The following ABCC1 variants were observed in gnomAD, a reference collection of about 807,000 sequenced individuals.
ABCC1 encodes multidrug resistance-associated protein 1.
In ABCC1, 83 loss-of-function variants were observed where a neutral mutation model predicts 172.9. That is an observed-to-expected ratio of 0.48 (90% confidence interval 0.40 to 0.58). The LOEUF (loss-of-function observed/expected upper bound fraction) is 0.58. Ranked by LOEUF, ABCC1 falls within the 20% of genes least tolerant of loss-of-function variation. ABCC1 has a pLI of 0.00. For missense variants in ABCC1, 1,817 were observed against 2,002.7 expected (o/e 0.91, Z 1.77); for synonymous variants, 937 against 825.2 (o/e 1.14, Z -2.32).
Position 16,138,565 on chromosome 16 carries a change from C to G in ABCC1, c.4487+7C>G. 3.2e-6 allele frequency: 5 copies of G among 1,568,260 alleles called. No homozygotes were observed. Among genetic ancestry groups the G allele is most frequent in the Non-Finnish European group, 4.4e-6 (5 of 1,148,870 alleles). ...CCATCATGGACTACACAAGGTGATG[C>G]CACTGGCACAGTGGCCTCTAGGCTT... On this transcript the variant is annotated splice_region_variant and intron_variant, in intron 30 of 30. Transcript: ENST00000399410.
chr16:16,047,193 G>A (rs1378035743), intron 9 of ABCC1, among the ~76,000 whole-genome samples: 1 of 152,118 alleles, frequency 6.6e-6, no homozygotes, highest in Admixed American at 6.5e-5. Flanking sequence ...ATGAGACCCT[G>A]TCTGAAAAAA....
At chr16:15,987,644 A>T (rs2046771990) in intron 1 of ABCC1, among the ~76,000 whole-genome samples, 1 of 152,166 alleles carries the variant, frequency 6.6e-6, no homozygotes, top group Non-Finnish European at 1.5e-5. Context: ...ACTTGCCCCC[A>T]CTTGAGAACC....
chr16:16,136,360 T>C, intron 28 of ABCC1, 118 bp from the exon 29 acceptor site: 1 of 1,119,038 alleles, frequency 8.9e-7, no homozygotes. Context: ...AAATAGTGAT[T>C]CCAAGGAGCT....
chr16:16,083,566 C>T (rs2050889136), intron 17 of ABCC1, 24 bp downstream of exon 17: 1 of 1,592,422 alleles, frequency 6.3e-7, no homozygotes, highest in African/African-American at 1.3e-5. Context: ...GGATGTTGGC[C>T]CCTGAATCAG....
intron 1 of ABCC1, among the ~76,000 whole-genome samples, chr16:15,990,236 A>G (rs896533391): frequency 1.3e-5 from 2 of 152,008 alleles, no homozygotes; most frequent in African/African-American, 2.4e-5. Context: ...TAGTAGAGAC[A>G]GGGTTTCACC....
rs2045928769 is a variant in ABCC1, at chr16:16,136,640, C to T, written c.4288C>T (p.Leu1430Phe). Residue 1430 changes from leucine (L) to phenylalanine (F), a missense_variant, in exon 29 of 31, where the codon CTC (leucine) becomes TTC (phenylalanine). Coordinates refer to ENST00000399410, the MANE Select transcript of ABCC1 (RefSeq NM_004996.4). ...TGAATGTGCAGAAGGCGGGGAGAACCTCAGGTAGGCGGGGGTGAACAAGGA... is the reference window on the plus strand; with the variant it reads ...TGAATGTGCAGAAGGCGGGGAGAACTTCAGGTAGGCGGGGGTGAACAAGGA... ...DHECAEGGEN[L>F]SVGQRQLVCL... 1 of 1,613,920 alleles carries T rather than the reference C, an allele frequency of 6.2e-7. No homozygotes were observed. Among genetic ancestry groups the T allele is most frequent in the African/African-American group, 1.3e-5 (1 of 75,002 alleles).
chr16:16,100,926 C>T (rs116847838), intron 19 of ABCC1, among the ~76,000 whole-genome samples: 1,863 of 152,312 alleles, frequency 0.012, 14 homozygotes, highest in Non-Finnish European at 0.02. Context: ...AATCGAGACT[C>T]ATAGCAGGGA....
chr16:15,988,307 C>G (rs2046786469), intron 1 of ABCC1, among the ~76,000 whole-genome samples: 1 of 152,192 alleles, frequency 6.6e-6, no homozygotes, highest in Non-Finnish European at 1.5e-5. Flanking sequence ...CCTCTCCTTT[C>G]TAAACCATCT....
At chr16:15,991,430 C>T (rs139828487) in intron 1 of ABCC1, among the ~76,000 whole-genome samples, 40 of 152,252 alleles carry the variant, frequency 2.6e-4, no homozygotes, top group Non-Finnish European at 4.1e-4. Context: ...AGGGCTTGTT[C>T]TGCAAAAGAA....
chr16:15,986,990 C>T (rs2046759439), intron 1 of ABCC1, among the ~76,000 whole-genome samples: 1 of 152,094 alleles, frequency 6.6e-6, no homozygotes, highest in African/African-American at 2.4e-5. Flanking sequence ...TGTGGCGAAA[C>T]CCCATCTCTC....
intron 9 of ABCC1, among the ~76,000 whole-genome samples, chr16:16,047,828 C>T (rs1362843152): frequency 1.3e-5 from 2 of 150,512 alleles, no homozygotes; most frequent in South Asian, 2.1e-4. Context: ...TCCCCCCACC[C>T]CCCACCACTC....
chr16:16,027,741 A>T (rs1312543261), intron 5 of ABCC1, among the ~76,000 whole-genome samples: 1 of 152,126 alleles, frequency 6.6e-6, no homozygotes, highest in Non-Finnish European at 1.5e-5. Flanking sequence ...TGAACCTGGG[A>T]GGTCGAGGCT....
chr16:16,077,737 A>G (rs2050636314), intron 15 of ABCC1, among the ~76,000 whole-genome samples: 1 of 152,248 alleles, frequency 6.6e-6, no homozygotes, highest in Non-Finnish European at 1.5e-5. Context: ...AATACTCTGA[A>G]ATCAGAAAGG....
intron 19 of ABCC1, among the ~76,000 whole-genome samples, chr16:16,096,436 G>A (rs993213744): frequency 2.0e-5 from 3 of 152,052 alleles, no homozygotes; most frequent in Middle Eastern, 3.2e-3. Flanking sequence ...TGGGCCATAA[G>A]CACCTCCCCA....
intron 5 of ABCC1, among the ~76,000 whole-genome samples, chr16:16,021,796 G>A (rs770281276): frequency 3.3e-5 from 5 of 152,212 alleles, no homozygotes; most frequent in Non-Finnish European, 7.4e-5. Flanking sequence ...ATGGGGGCAA[G>A]GAAGGGTAGG....
At chr16:15,977,702 C>T (rs2046525926) in intron 1 of ABCC1, among the ~76,000 whole-genome samples, 1 of 152,130 alleles carries the variant, frequency 6.6e-6, no homozygotes, top group African/African-American at 2.4e-5. Context: ...CCCATCTTGG[C>T]CTTCCAGAGT....
At chr16:15,994,670 C>T (rs188623936) in intron 1 of ABCC1, among the ~76,000 whole-genome samples, 166 of 152,184 alleles carry the variant, frequency 1.1e-3, no homozygotes, top group Non-Finnish European at 1.6e-3. Context: ...TCAAACAGTA[C>T]GAAAGATAAT....
intron 14 of ABCC1, among the ~76,000 whole-genome samples, chr16:16,073,714 G>A (rs2050442372): frequency 6.6e-6 from 1 of 152,138 alleles, no homozygotes; most frequent in Non-Finnish European, 1.5e-5. Context: ...CTATGATCAT[G>A]CCACTGTACT....
chr16:16,078,027 G>A (rs1042462699), intron 15 of ABCC1, among the ~76,000 whole-genome samples: 4 of 152,116 alleles, frequency 2.6e-5, no homozygotes, highest in African/African-American at 4.8e-5. Flanking sequence ...ATGTGGTGGC[G>A]CTCGCCTGTA....
Sources: allele counts gnomAD v4.1 joint callset (sites outside exome capture counted in the v4.1 genomes callset), GRCh38; gene constraint gnomAD v4.1.1; transcripts MANE v1.5; gene names NCBI Gene and HGNC (gene_info 2026-07-23, HGNC 2026-07-21).